The following CCT7 variants were observed in gnomAD, a reference collection of about 807,000 sequenced individuals.
The protein encoded by CCT7 is chaperonin containing TCP1 subunit 7, also known as T-complex protein 1 subunit eta.
A neutral mutation model predicts 56.6 loss-of-function variants in CCT7; 16 were observed. The ratio of observed to expected loss-of-function variants is 0.28; its 90% CI spans 0.19 to 0.43. The LOEUF is 0.43. Ranked by LOEUF, CCT7 falls within the 20% of genes least tolerant of loss-of-function variation. CCT7 has a pLI of 1.00. For missense variants in CCT7, 519 were observed against 685.6 expected (o/e 0.76, Z 2.71); for synonymous variants, 262 against 254.8 (o/e 1.03, Z -0.27).
At position 73,250,359 on chromosome 2, in the gene CCT7, G is replaced by C; in HGVS notation, c.1124G>C (p.Arg375Pro). ...GCCAAGACATGCACCTTCATTCTCC[G>C]TGGCGGCGCCGAGCAGTTTATGGAG... ...PKAKTCTFIL[R>P]GGAEQFMEET... The change falls in exon 10 of 12, where the codon CGT becomes CCT. Residue 375 changes from arginine (R) to proline (P), a missense_variant. By Grantham distance (103) the Arg-to-Pro change is moderately radical. Around this residue, in one of 3 missense-constraint regions of CCT7, gnomAD observed 237 missense variants for 300.8 expected, o/e 0.79. Transcript: ENST00000258091. 1 of 1,614,120 alleles carries C rather than the reference G, an allele frequency of 6.2e-7. No individual in the cohort carries two copies. Among genetic ancestry groups the C allele is most frequent in the Non-Finnish European group, 8.5e-7 (1 of 1,180,022 alleles).
In CCT7 at chr2:73,250,702, C is replaced by T. The variant is rs112583794; in HGVS notation, c.1203+264C>T. 8.0e-3 allele frequency among the ~76,000 whole-genome samples: 1,219 copies of T among 151,862 alleles called. 24 individuals carry two copies. The highest frequency in any genetic ancestry group is 0.028 in the African/African-American group (1,140 of 41,386). On this transcript the variant is annotated intron_variant, in intron 10 of 11. Coordinates refer to ENST00000258091, the MANE Select transcript of CCT7 (RefSeq NM_006429.4). ...CTGTAATCCCAGCACTTTGGAAGGC[C>T]GAGATGGGAGGGTTGCATAAGACCA... is the stretch of plus-strand genomic sequence containing the variant.
intron 9 of CCT7, 93 bp downstream of exon 9, chr2:73,250,009 A>G (rs1466666061): frequency 2.2e-6 from 2 of 894,614 alleles, no homozygotes; most frequent in East Asian, 2.4e-5. Context: ...ACAAAGTCTC[A>G]CCTTTGTGTA....
At position 73,251,261 on chromosome 2, in the gene CCT7, G is replaced by A. The variant is rs1687566684; in HGVS notation, c.1239G>A (p.Glu413=). 1.9e-6 allele frequency: 3 copies of A among 1,614,100 alleles called. No individual in the cohort carries two copies. In the African/African-American group the frequency reaches 4.0e-5, roughly 22 times the overall value. Residue 413 remains glutamate, a synonymous_variant, in exon 11 of 12, where the codon GAG becomes GAA. Transcript: ENST00000258091. ...TGGTGGCTGGTGGCGGGGCCATTGA[G>A]ATGGAACTCTCCAAGTACCTGCGGG... The part of the protein sequence containing the change: ...DSVVAGGGAI[E]MELSKYLRDY...
At chr2:73,246,034 CTAA>C (rs1457111129) in intron 6 of CCT7, among the ~76,000 whole-genome samples, 1 of 152,172 alleles carries the variant, frequency 6.6e-6, no homozygotes, top group Non-Finnish European at 1.5e-5. Context: ...GAAATCAGGA[CTAA>C]TAATCTTACC....
At position 73,244,561 on chromosome 2, in the gene CCT7, T is replaced by G. The variant is rs201724229; in HGVS notation, c.464T>G (p.Leu155Arg). 1 of 1,612,374 alleles carries G rather than the reference T, an allele frequency of 6.2e-7. No homozygotes were observed. Among genetic ancestry groups the G allele is most frequent in the East Asian group, 2.2e-5 (1 of 44,874 alleles). ...KADKVEQRKL[L>R]EKCAMTALSS... ...TGTCCCAGGGAGCAGAGGAAGCTGC[T>G]GGAAAAGTGTGCCATGACCGCTCTG... Residue 155 changes from leucine to arginine, a missense_variant, in exon 6 of 12, where the codon CTG becomes CGG. Physicochemically the swap from Leu to Arg is moderately radical, Grantham distance 102 (BLOSUM62 -2). Around this residue, in one of 3 missense-constraint regions of CCT7, gnomAD observed 276 missense variants for 357.3 expected, o/e 0.77. Coordinates refer to ENST00000258091, the MANE Select transcript of CCT7 (RefSeq NM_006429.4).
At chr2:73,239,306 C>G (rs944577139) in intron 1 of CCT7, 1 of 194,620 alleles carries the variant, frequency 5.1e-6, no homozygotes, top group Non-Finnish European at 1.0e-5. Flanking sequence ...TGTGTTGTGA[C>G]CCAATTCCTC....
intron 1 of CCT7, 125 bp downstream of exon 1, chr2:73,234,509 C>T (rs956194285): frequency 2.2e-5 from 26 of 1,189,012 alleles, no homozygotes; most frequent in Non-Finnish European, 2.9e-5. Context: ...CCCAGATCCC[C>T]AGCTTAGGGG....
intron 1 of CCT7, 44 bp from the exon 2 acceptor site, chr2:73,239,599 A>T: frequency 6.3e-7 from 1 of 1,576,066 alleles, no homozygotes; most frequent in Non-Finnish European, 8.7e-7. Context: ...CAGTCTCATT[A>T]TAATAGATGA....
At chr2:73,243,816 C>A in intron 4 of CCT7, 181 bp from the exon 5 acceptor site, 1 of 610,918 alleles carries the variant, frequency 1.6e-6, no homozygotes. Context: ...TTGGAATTTT[C>A]TGAACTATAG....
chr2:73,239,885 C>A, intron 2 of CCT7, 89 bp downstream of exon 2: 1 of 1,130,520 alleles, frequency 8.8e-7, no homozygotes. Context: ...TATCAGAAAT[C>A]CCACTGCTTT....
At chr2:73,245,616 C>T (rs1218663134) in intron 6 of CCT7, among the ~76,000 whole-genome samples, 1 of 152,210 alleles carries the variant, frequency 6.6e-6, no homozygotes, top group African/African-American at 2.4e-5. Flanking sequence ...CTCCATGCTG[C>T]TTTTGGCCTT....
At chr2:73,251,685 A>G (rs1032986901) in intron 11 of CCT7, among the ~76,000 whole-genome samples, 3 of 152,208 alleles carry the variant, frequency 2.0e-5, no homozygotes, top group Non-Finnish European at 4.4e-5. Flanking sequence ...TCACGCCTGT[A>G]ATCCCAACAT....
rs184492468 is a variant in CCT7 at position 73,250,758 on chromosome 2, G to A, written c.1203+320G>A. Among the ~76,000 whole-genome samples the A allele has an allele frequency of 7.5e-3, 1,141 of 151,744 alleles. 7 individuals carry two copies. The highest frequency in any genetic ancestry group is 0.012 in the Non-Finnish European group (829 of 67,912). On this transcript the variant is annotated intron_variant, in intron 10 of 11. Coordinates refer to ENST00000258091, the MANE Select transcript of CCT7 (RefSeq NM_006429.4). Reference sequence around the variant, plus strand: ...TTGACACCAGCCTGGGCAACATAGCGAGATCCTGTCTCTACAAAAATAAAA... The same window carrying A: ...TTGACACCAGCCTGGGCAACATAGCAAGATCCTGTCTCTACAAAAATAAAA...
intron 1 of CCT7, chr2:73,235,579 T>A: frequency 1.0e-6 from 1 of 1,001,890 alleles, no homozygotes; most frequent in Non-Finnish European, 1.2e-6. Flanking sequence ...CGTCTTCATC[T>A]TCTGTGCAGA....
At chr2:73,244,397 T>C in intron 5 of CCT7, 147 bp from the exon 6 acceptor site, 1 of 675,750 alleles carries the variant, frequency 1.5e-6, no homozygotes, top group Non-Finnish European at 2.5e-6. Flanking sequence ...CATCTGTCAC[T>C]GATAATCTGC....
rs1687498496 is a variant in CCT7 at position 73,249,899 on chromosome 2, C to G, written c.1053C>G (p.Thr351=). Residue 351 remains threonine (T), a synonymous_variant, in exon 9 of 12, where the codon ACC becomes ACG. Coordinates refer to ENST00000258091, the MANE Select transcript of CCT7 (RefSeq NM_006429.4). The stretch of plus-strand genomic sequence containing the variant: ...GTCGATGCCAGGTGTTTGAAGAGAC[C>G]CAGATTGGAGGCGAGAGGTGAGCCG... ...VLGRCQVFEE[T]QIGGERYNFF... The G allele has an allele frequency of 1.2e-6, 2 of 1,612,336 alleles. No individual in the cohort carries two copies. The highest frequency in any genetic ancestry group is 1.3e-5 in the African/African-American group (1 of 74,874).
rs969091360 is a variant in CCT7 at position 73,252,995 on chromosome 2, G to C, written c.*134G>C. ...TTACTGGAGGCTATTTAAATAAAAT[G>C]TAAGACTTCAGATAACTTTGTAAAT... On this transcript the variant is annotated 3_prime_UTR_variant, in exon 12 of 12. Coordinates refer to ENST00000258091, the MANE Select transcript of CCT7 (RefSeq NM_006429.4). The C allele has an allele frequency of 5.0e-5, 32 of 640,820 alleles. 1 individual carries two copies. In the South Asian group the frequency reaches 5.4e-4, roughly 11 times the overall value. The allele number at this position is 640,820 out of a possible 1,614,324, so 39.7% of individuals were successfully genotyped here.
intron 1 of CCT7, among the ~76,000 whole-genome samples, chr2:73,235,978 G>A (rs2103755024): frequency 6.6e-6 from 1 of 152,294 alleles, no homozygotes; most frequent in East Asian, 1.9e-4. Context: ...TTTCCCTGCT[G>A]TATTGGCTCT....
At chr2:73,234,447 C>T (rs1558559418) in intron 1 of CCT7, 63 bp downstream of exon 1, 9 of 1,592,740 alleles carry the variant, frequency 5.7e-6, no homozygotes, top group Middle Eastern at 3.4e-4. Context: ...CGGCGCCGCT[C>T]GGCCTGGGCT....
Sources: gnomAD v4.1 joint callset for allele counts (sites outside exome capture counted in the v4.1 genomes callset) on GRCh38, gnomAD v4.1.1 for gene constraint, gnomAD v4.1.1 regional missense constraint, MANE v1.5 for transcripts, NCBI Gene and HGNC (gene_info 2026-07-23, HGNC 2026-07-21) for gene names.